Variants in KIZ observed in about 807,000 individuals in gnomAD.
KIZ encodes kizuna centrosomal protein.
KIZ carries 68 observed loss-of-function variants against 79.6 expected under a neutral mutation model. The ratio of observed to expected loss-of-function variants is 0.85; its 90% CI spans 0.70 to 1.05. The LOEUF (loss-of-function observed/expected upper bound fraction) is 1.05, where lower values mean the gene tolerates loss of function less well. Among genes scored for constraint, KIZ ranks in the 50% least tolerant of loss-of-function variants. The pLI, the probability that KIZ is intolerant of heterozygous loss-of-function variation, is 0.00. For missense variants in KIZ, 797 were observed against 800.4 expected, an observed-to-expected ratio of 1.00 and a Z score of 0.05; for synonymous variants, 280 against 281.8, an observed-to-expected ratio of 0.99 and a Z score of 0.06.
chr20:21,183,245 G>C (rs2034733624), intron 6 of KIZ, among the ~76,000 whole-genome samples: 1 of 152,120 alleles, frequency 6.6e-6, no homozygotes, highest in Non-Finnish European at 1.5e-5. Context: ...AATAGGTATT[G>C]CTTTCATAAT....
intron 6 of KIZ, among the ~76,000 whole-genome samples, chr20:21,191,405 A>G (rs1235314203): frequency 6.6e-6 from 1 of 152,244 alleles, no homozygotes; most frequent in Non-Finnish European, 1.5e-5. Context: ...CATTAAAGAA[A>G]TTGAATGCAC....
intron 6 of KIZ, among the ~76,000 whole-genome samples, chr20:21,201,713 C>T (rs1374496559): frequency 6.6e-6 from 1 of 152,196 alleles, no homozygotes; most frequent in Non-Finnish European, 1.5e-5. Context: ...AATTACCTGA[C>T]ATTAAACTTT....
At chr20:21,190,512 T>G (rs2035065141) in intron 6 of KIZ, among the ~76,000 whole-genome samples, 1 of 152,232 alleles carries the variant, frequency 6.6e-6, no homozygotes, top group Admixed American at 6.5e-5. Context: ...TTTCTCTTAT[T>G]GATGAAGGTG....
chr20:21,146,882 A>G (rs1045968245), intron 4 of KIZ, among the ~76,000 whole-genome samples: 2 of 152,192 alleles, frequency 1.3e-5, no homozygotes, highest in African/African-American at 4.8e-5. Context: ...AAGATACAAA[A>G]CACCAAGCCC....
At chr20:21,194,470 GT>G (rs2065674408) in intron 6 of KIZ, 1 of 152,202 alleles carries the variant, frequency 6.6e-6, no homozygotes, top group Non-Finnish European at 1.5e-5. Flanking sequence ...GAATTCTTTA[GT>G]TGAGTTCTTT....
At chr20:21,208,262 G>A (rs1006759918) in intron 7 of KIZ, among the ~76,000 whole-genome samples, 1 of 152,092 alleles carries the variant, frequency 6.6e-6, no homozygotes, top group African/African-American at 2.4e-5. Context: ...TCCAATAATG[G>A]GAGGGGGTGC....
chr20:21,183,488 C>T (rs1404896222), intron 6 of KIZ, among the ~76,000 whole-genome samples: 4 of 152,180 alleles, frequency 2.6e-5, no homozygotes, highest in East Asian at 1.9e-4. Context: ...GAGGCAAGGG[C>T]GCCTTTGGCT....
At chr20:21,243,563 C>T (rs1376403903) in intron 11 of KIZ, among the ~76,000 whole-genome samples, 5 of 152,138 alleles carry the variant, frequency 3.3e-5, no homozygotes, top group Admixed American at 6.5e-5. Context: ...ATAAAACATT[C>T]GAGTGACACT....
Position 21,192,074 on chromosome 20 carries a change from G to A in KIZ, c.1353-13417G>A, listed in dbSNP as rs374828263. On this transcript the variant is annotated intron_variant, in intron 6 of 12. Transcript: ENST00000619189. ...GGGCTCCAAGGAGCAGGATCAGGAC[G>A]GAAGGTAGGGCCAACCCCATGAAAA... Among the ~76,000 whole-genome samples the A allele has an allele frequency of 3.9e-3, 597 of 152,186 alleles. 2 individuals are homozygous for A. Among genetic ancestry groups the A allele is most frequent in the African/African-American group, 9.7e-3 (402 of 41,488 alleles).
chr20:21,232,095 T>C lies in KIZ; in HGVS notation c.1784-639T>C, dbSNP rs577264408. ...GACTGCCAGTTAAGAAGCAGACCTG[T>C]AGCAGAAACATCCAAGGCTGAGAAC... On this transcript the variant is annotated intron_variant, in intron 10 of 12. Transcript: ENST00000619189. 2.0e-5 allele frequency among the ~76,000 whole-genome samples: 3 copies of C among 152,334 alleles called. No individual in the cohort carries two copies. The South Asian group carries it at 6.2e-4, about 32-fold the overall frequency.
At chr20:21,177,959 C>T (rs964314037) in intron 6 of KIZ, among the ~76,000 whole-genome samples, 4 of 152,022 alleles carry the variant, frequency 2.6e-5, no homozygotes, top group African/African-American at 9.7e-5. Flanking sequence ...TATGCCAATA[C>T]CATACTGTTT....
At chr20:21,146,385 G>C (rs545466793) in intron 4 of KIZ, among the ~76,000 whole-genome samples, 1 of 152,342 alleles carries the variant, frequency 6.6e-6, no homozygotes, top group South Asian at 2.1e-4. Context: ...CAGCGTGCTT[G>C]TTCCTTAGGC....
intron 9 of KIZ, among the ~76,000 whole-genome samples, chr20:21,224,499 G>A (rs2036599801): frequency 6.6e-6 from 1 of 152,236 alleles, no homozygotes; most frequent in Non-Finnish European, 1.5e-5. Context: ...TCAGTGGACA[G>A]AGAATATTTT....
intron 6 of KIZ, among the ~76,000 whole-genome samples, chr20:21,189,961 A>G (rs2035043163): frequency 6.6e-6 from 1 of 152,144 alleles, no homozygotes; most frequent in Non-Finnish European, 1.5e-5. Flanking sequence ...AGCCACAAAA[A>G]CACAGGTTTT....
At chr20:21,165,873 G>A (rs1400028024) in intron 6 of KIZ, among the ~76,000 whole-genome samples, 4 of 152,184 alleles carry the variant, frequency 2.6e-5, no homozygotes, top group South Asian at 2.1e-4. Flanking sequence ...ACCTCAGCTC[G>A]CTGCAACCTT....
intron 6 of KIZ, among the ~76,000 whole-genome samples, chr20:21,178,777 G>C (rs185906627): frequency 6.6e-6 from 1 of 152,048 alleles, no homozygotes; most frequent in Non-Finnish European, 1.5e-5. Context: ...GGTTTTTATT[G>C]GGAAGGGGTG....
chr20:21,150,443 A>C (rs1011401915), intron 4 of KIZ, among the ~76,000 whole-genome samples: 8 of 152,210 alleles, frequency 5.3e-5, no homozygotes, highest in African/African-American at 1.7e-4. Flanking sequence ...AAATCTCCCT[A>C]GACGGGGGCT....
chr20:21,131,483 ACTTGGCTGTGC>A (rs1445996482), intron 1 of KIZ, among the ~76,000 whole-genome samples: 3 of 152,162 alleles, frequency 2.0e-5, no homozygotes, highest in Non-Finnish European at 4.4e-5. Context: ...TATCTCATCC[ACTTGGCTGTGC>A]CCAGGCTTGT....
intron 10 of KIZ, among the ~76,000 whole-genome samples, chr20:21,229,724 A>G (rs1008346823): frequency 1.3e-5 from 2 of 151,780 alleles, no homozygotes; most frequent in Non-Finnish European, 2.9e-5. Flanking sequence ...ACAGGTGCGC[A>G]CCACCACACT....
Sources: gnomAD v4.1 joint callset for allele counts (sites outside exome capture counted in the v4.1 genomes callset) on GRCh38, gnomAD v4.1.1 for gene constraint, MANE v1.5 for transcripts, NCBI Gene and HGNC (gene_info 2026-07-23, HGNC 2026-07-21) for gene names.